Variants in EI24 observed in about 807,000 individuals in gnomAD.
The protein encoded by EI24 is EI24 autophagy associated transmembrane protein.
EI24 carries 21 observed loss-of-function variants against 48.6 expected under a neutral mutation model. The observed-to-expected ratio is 0.43, with a 90% confidence interval of 0.31 to 0.62. The LOEUF is 0.62. Among genes scored for constraint, EI24 ranks in the 20% least tolerant of loss-of-function variants. The probability of loss-of-function intolerance (pLI) is 0.10; values close to 1 mark genes in which losing one functional copy is unlikely to be tolerated. For synonymous variants in EI24, 114 were observed against 145.5 expected (o/e 0.78, Z 1.56); for missense variants, 280 against 410.5 (o/e 0.68, Z 2.75).
chr11:125,575,227 AAATAAT>A (rs753141659), intron 2 of EI24, 30 bp from the exon 3 acceptor site: 65 of 1,491,974 alleles, frequency 4.4e-5, no homozygotes, highest in Middle Eastern at 2.4e-4. Flanking sequence ...ACCCTGTCTC[AAATAAT>A]AATAATAATA....
chr11:125,580,792 C>T (rs1938958949), intron 8 of EI24: 1 of 153,662 alleles, frequency 6.5e-6, no homozygotes, highest in Non-Finnish European at 1.4e-5. Flanking sequence ...AAATCTGTAC[C>T]TAGGCTGGGT....
At position 125,572,517 on chromosome 11, in the gene EI24, G is replaced by A. The variant is rs764564913; in HGVS notation, c.-11G>A. 6.2e-7 allele frequency: 1 copy of A among 1,613,574 alleles called. No individual in the cohort carries two copies. Among genetic ancestry groups the A allele is most frequent in the Admixed American group, 1.7e-5 (1 of 59,998 alleles). On this transcript the variant is annotated 5_prime_UTR_variant, in exon 2 of 11. It adds an upstream start codon to the 5' untranslated region. Coordinates refer to ENST00000278903, the MANE Select transcript of EI24 (RefSeq NM_004879.5). ...TCTCCTGTGTGTAGTTGATAGTTTG[G>A]TGGTGAAGAGATGGCTGACAGTGTC...
Position 125,579,051 on chromosome 11 carries a change from G to C in EI24, c.544G>C (p.Ala182Pro). Residue 182 changes from alanine to proline, a missense_variant, in exon 7 of 11, where the codon GCT (alanine) becomes CCT (proline). Physicochemically the swap from Ala to Pro is conservative, Grantham distance 27. This residue lies in a region of EI24 where 204 missense variants were observed against 294.1 expected (regional missense o/e 0.69). Transcript: ENST00000278903. The stretch of plus-strand genomic sequence containing the variant: ...CATGCTCTTCAACCTTTTGCTGCAG[G>C]CTCTTTTCCTCATTCAGGTGAGACT... Reference protein sequence around the residue: ...ADMLFNLLLQALFLIQGMFVS... With the variant: ...ADMLFNLLLQPLFLIQGMFVS... 6.4e-7 allele frequency: 1 copy of C among 1,568,620 alleles called. No individual in the cohort carries two copies. The highest frequency in any genetic ancestry group is 8.7e-7 in the Non-Finnish European group (1 of 1,155,326).
intron 8 of EI24, 67 bp from the exon 9 acceptor site, chr11:125,581,144 C>A: frequency 1.2e-6 from 1 of 840,242 alleles, no homozygotes; most frequent in Non-Finnish European, 1.9e-6. Context: ...GTTTGTCTAC[C>A]ATAGTTACTT....
chr11:125,576,134 GA>G, intron 3 of EI24, 120 bp from the exon 4 acceptor site: 2 of 945,112 alleles, frequency 2.1e-6, no homozygotes, highest in East Asian at 5.3e-5. Flanking sequence ...AACATTGGGA[GA>G]ACATGAGGCA....
chr11:125,577,860 A>G (rs1270749103), intron 5 of EI24: 2 of 574,828 alleles, frequency 3.5e-6, no homozygotes, highest in Non-Finnish European at 6.1e-6. Flanking sequence ...TCCTGCAGAT[A>G]GCGTACTGGT....
chr11:125,570,850 C>T (rs900211693), intron 1 of EI24, among the ~76,000 whole-genome samples: 1 of 152,118 alleles, frequency 6.6e-6, no homozygotes, highest in African/African-American at 2.4e-5. Context: ...TATCACTGAG[C>T]CTTTGCTAGT....
intron 6 of EI24, among the ~76,000 whole-genome samples, chr11:125,578,480 CTTTTTTTTTTTTT>C (rs370986926): frequency 3.5e-5 from 3 of 84,694 alleles, no homozygotes; most frequent in African/African-American, 9.5e-5. Flanking sequence ...TTCGTTTTGG[CTTTTTTTTTTTTT>C]TTTTTTTTTT....
In EI24 at chr11:125,578,941, T is replaced by C. The variant is rs748623006; in HGVS notation, c.442-8T>C. Reference sequence around the variant, plus strand: ...AATTCATGTTTTGGTACACTTTCTCTGTTACAGGATATAGCTGACCTGGCA... The same window carrying C: ...AATTCATGTTTTGGTACACTTTCTCCGTTACAGGATATAGCTGACCTGGCA... On this transcript the variant is annotated splice_region_variant and splice_polypyrimidine_tract_variant and intron_variant, in intron 6 of 10. Transcript: ENST00000278903. The C allele has an allele frequency of 6.4e-7, 1 of 1,571,764 alleles. No individual in the cohort carries two copies. The highest frequency in any genetic ancestry group is 8.6e-7 in the Non-Finnish European group (1 of 1,156,998).
At chr11:125,578,392 G>T in intron 6 of EI24, 135 bp downstream of exon 6, 1 of 1,005,442 alleles carries the variant, frequency 9.9e-7, no homozygotes. Flanking sequence ...CAGGTAGCCA[G>T]TAGCTGATCT....
intron 3 of EI24, chr11:125,575,786 T>A (rs1369156819): frequency 4.0e-6 from 1 of 253,074 alleles, no homozygotes; most frequent in Non-Finnish European, 8.2e-6. Flanking sequence ...ATATACACAT[T>A]TTTTTTTTTT....
rs547806945 is a variant in EI24 at position 125,584,404 on chromosome 11, A to T, written c.*721A>T. ...GTCCCCCAACTATGGGGAGGTACCA[A>T]TTCTGGACAAGTGCCACTACAACAA... On this transcript the variant is annotated 3_prime_UTR_variant, in exon 11 of 11. Coordinates refer to ENST00000278903, the MANE Select transcript of EI24 (RefSeq NM_004879.5). 1 of 152,654 alleles carries T rather than the reference A, an allele frequency of 6.6e-6. No homozygotes were observed. The highest frequency in any genetic ancestry group is 2.4e-5 in the African/African-American group (1 of 41,444). The allele number at this position is 152,654 out of a possible 1,614,324, so 9.5% of individuals were successfully genotyped here.
chr11:125,575,492 T>A, intron 3 of EI24, 84 bp downstream of exon 3: 1 of 1,374,714 alleles, frequency 7.3e-7, no homozygotes, highest in Non-Finnish European at 9.6e-7. Context: ...CCATTTTATT[T>A]CTTTTGTGCT....
intron 10 of EI24, among the ~76,000 whole-genome samples, chr11:125,582,751 ATTAC>A (rs1264068878): frequency 6.6e-6 from 1 of 152,204 alleles, no homozygotes; most frequent in African/African-American, 2.4e-5. Flanking sequence ...TAAAAGTTTT[ATTAC>A]TTCAAAGAAA....
At chr11:125,583,406 G>C in intron 10 of EI24, 115 bp from the exon 11 acceptor site, 1 of 868,752 alleles carries the variant, frequency 1.2e-6, no homozygotes, top group East Asian at 2.7e-5. Context: ...CCTTGATCAA[G>C]TTTCATTTGT....
intron 6 of EI24, 46 bp downstream of exon 6, chr11:125,578,303 C>T (rs2135863494): frequency 6.2e-7 from 1 of 1,611,244 alleles, no homozygotes; most frequent in African/African-American, 1.3e-5. Flanking sequence ...GCATGATTGG[C>T]TGACAGGTGA....
At chr11:125,572,968 C>G (rs1770231988) in intron 2 of EI24, among the ~76,000 whole-genome samples, 1 of 151,678 alleles carries the variant, frequency 6.6e-6, no homozygotes, top group Non-Finnish European at 1.5e-5. Context: ...TATTTGTCAA[C>G]TAAGAAATGA....
chr11:125,578,865 C>T, intron 6 of EI24, 84 bp from the exon 7 acceptor site: 1 of 1,456,878 alleles, frequency 6.9e-7, no homozygotes, highest in East Asian at 2.5e-5. Flanking sequence ...ACTGGCAGCT[C>T]TAGTGGCGGA....
intron 10 of EI24, 145 bp from the exon 11 acceptor site, chr11:125,583,376 T>C (rs2135878143): frequency 1.5e-6 from 1 of 679,402 alleles, no homozygotes; most frequent in Non-Finnish European, 2.4e-6. Flanking sequence ...GTTCCATCCA[T>C]GTATCTAATA....
Sources: gnomAD v4.1 joint callset for allele counts (sites outside exome capture counted in the v4.1 genomes callset) on GRCh38, gnomAD v4.1.1 for gene constraint, gnomAD v4.1.1 regional missense constraint, MANE v1.5 for transcripts, NCBI Gene and HGNC (gene_info 2026-07-23, HGNC 2026-07-21) for gene names.